SIK3: variants seen among roughly 807,000 people sequenced by gnomAD.
SIK3 encodes the protein SIK family kinase 3, also known as serine/threonine-protein kinase SIK3.
In SIK3, 28 loss-of-function variants were observed where a neutral mutation model predicts 144.2. That is an observed-to-expected ratio of 0.19 (90% confidence interval 0.14 to 0.27). SIK3 has a LOEUF of 0.27. SIK3 is among the 10% of genes least tolerant of loss of function. The pLI is 1.00. For synonymous variants in SIK3, 686 were observed against 676.3 expected, an observed-to-expected ratio of 1.01 and a Z score of -0.22; for missense variants, 1,319 against 1,776.0, an observed-to-expected ratio of 0.74 and a Z score of 4.62.
chr11:116,933,635 CCTCT>C (rs144913929), intron 3 of SIK3, among the ~76,000 whole-genome samples: 26 of 148,690 alleles, frequency 1.7e-4, no homozygotes, highest in African/African-American at 4.2e-4. Context: ...TTTCTTCCTT[CCTCT>C]CTCTCTCTCT....
At chr11:117,088,225 G>A (rs1426683235) in intron 1 of SIK3, among the ~76,000 whole-genome samples, 3 of 152,020 alleles carry the variant, frequency 2.0e-5, no homozygotes, top group South Asian at 2.1e-4. Flanking sequence ...GTGACAAAGC[G>A]AAACCCTATC....
At chr11:116,872,048 A>C (rs1271215088) in intron 13 of SIK3, among the ~76,000 whole-genome samples, 5 of 152,062 alleles carry the variant, frequency 3.3e-5, no homozygotes, top group African/African-American at 1.2e-4. Context: ...GGACATGGGA[A>C]TAGGGCCTAG....
intron 1 of SIK3, among the ~76,000 whole-genome samples, chr11:116,975,802 G>C (rs1399980354): frequency 6.6e-6 from 1 of 152,156 alleles, no homozygotes; most frequent in African/African-American, 2.4e-5. Flanking sequence ...AAATGACAAA[G>C]CTGCTGCATC....
intron 1 of SIK3, among the ~76,000 whole-genome samples, chr11:117,004,521 CA>C (rs1163161761): frequency 6.7e-6 from 1 of 149,512 alleles, no homozygotes; most frequent in East Asian, 2.0e-4. Flanking sequence ...GTCTCCAAAA[CA>C]AAAAAAAAGA....
At chr11:117,065,408 GA>G (rs1463587090) in intron 1 of SIK3, among the ~76,000 whole-genome samples, 1 of 151,762 alleles carries the variant, frequency 6.6e-6, no homozygotes, top group Admixed American at 6.6e-5. Flanking sequence ...GTTAATAAAA[GA>G]AATGAATTTT....
chr11:116,947,105 C>T (rs149393668), intron 3 of SIK3, among the ~76,000 whole-genome samples: 593 of 9,226 alleles, frequency 0.064, 11 homozygotes, highest in African/African-American at 0.18. Context: ...AGTGAGACTT[C>T]GTCTCAAAAA....
chr11:117,039,776 A>T (rs1952662589), intron 1 of SIK3, among the ~76,000 whole-genome samples: 1 of 152,208 alleles, frequency 6.6e-6, no homozygotes, highest in Admixed American at 6.5e-5. Flanking sequence ...GACACTAAAG[A>T]AGTAGTTACT....
At chr11:117,049,004 G>C (rs752618242) in intron 1 of SIK3, among the ~76,000 whole-genome samples, 2 of 152,162 alleles carry the variant, frequency 1.3e-5, no homozygotes, top group Non-Finnish European at 2.9e-5. Flanking sequence ...AGGAGGCTGA[G>C]GCAGGAGAAT....
At chr11:117,091,200 C>CT (rs386375011) in intron 1 of SIK3, among the ~76,000 whole-genome samples, 42,111 of 93,216 alleles carry the variant, frequency 0.45, 11,542 homozygotes, top group Non-Finnish European at 0.61. Context: ...TTTTTTTTTT[C>CT]TTTTTTTTTT....
Position 116,881,017 on chromosome 11 carries a change from G to A in SIK3, c.866-3975C>T, listed in dbSNP as rs189010258. Among the ~76,000 whole-genome samples the A allele has an allele frequency of 1.1e-4, 17 of 152,174 alleles. No individual in the cohort carries two copies. The East Asian group carries it at 1.9e-3, about 17-fold the overall frequency. ...TACACACCTGTAATCCCAGCTACCC[G>A]GGAGGCTGAGGTAGGAGAATGGCGT... On this transcript the variant is annotated intron_variant, in intron 6 of 24. Coordinates refer to ENST00000445177, the MANE Select transcript of SIK3 (RefSeq NM_001366686.3).
chr11:116,918,807 T>G (rs978978468), intron 4 of SIK3, among the ~76,000 whole-genome samples: 6 of 152,208 alleles, frequency 3.9e-5, no homozygotes, highest in African/African-American at 1.4e-4. Flanking sequence ...AGATATGACA[T>G]TAAGTAGAAT....
rs767861736 is a variant in SIK3, at chr11:116,846,601, T to G, written c.3953-48A>C. 8.7e-6 allele frequency: 14 copies of G among 1,608,830 alleles called. No individual in the cohort carries two copies. The South Asian group carries it at 1.4e-4, about 16-fold the overall frequency. On this transcript the variant is annotated intron_variant, in intron 23 of 24. Transcript: ENST00000445177. This position sits in a 1 kb window ranked among gnomAD's most constrained non-coding sequence, Gnocchi z 4.1. ...TGAGGTTGGCAGGGAACTGGGGGAC[T>G]AGGAGAGCAAGGGGGAGAGAGAGGA...
At chr11:116,910,317 G>T (rs1468226179) in intron 4 of SIK3, among the ~76,000 whole-genome samples, 1 of 149,584 alleles carries the variant, frequency 6.7e-6, no homozygotes, top group African/African-American at 2.5e-5. Context: ...AGCCAGAAAA[G>T]AAGAAAAAAA....
At chr11:116,878,891 T>C (rs1399072402) in intron 6 of SIK3, among the ~76,000 whole-genome samples, 1 of 152,222 alleles carries the variant, frequency 6.6e-6, no homozygotes, top group African/African-American at 2.4e-5. Context: ...AGCTCTTCTT[T>C]AACCATCTAC....
Position 116,975,694 on chromosome 11 carries a change from T to C in SIK3, c.274-18630A>G, listed in dbSNP as rs965484732. 3.3e-5 allele frequency among the ~76,000 whole-genome samples: 5 copies of C among 152,364 alleles called. No homozygotes were observed. In the East Asian group the frequency reaches 9.6e-4, roughly 29 times the overall value. On this transcript the variant is annotated intron_variant, in intron 1 of 24. Coordinates refer to ENST00000445177, the MANE Select transcript of SIK3 (RefSeq NM_001366686.3). ...CATTCATAAAATTTTTATGTGAATG[T>C]GTTTTCACTTATCTTGGGTTTATAC...
chr11:117,071,301 C>T (rs1954270185), intron 1 of SIK3, among the ~76,000 whole-genome samples: 1 of 151,876 alleles, frequency 6.6e-6, no homozygotes, highest in Admixed American at 6.6e-5. Context: ...TCAATAAATG[C>T]TAAATTGTAT....
At chr11:117,023,621 A>AAAATATATATATATATATATATATATAT (rs754624841) in intron 1 of SIK3, among the ~76,000 whole-genome samples, 1 of 95,410 alleles carries the variant, frequency 1.0e-5, no homozygotes, top group Non-Finnish European at 2.1e-5. Flanking sequence ...AAAAAAAAAA[A>AAAATATATATATATATATATATATATAT]ATATATATAT....
At chr11:116,860,286 T>G (rs1275064170) in intron 19 of SIK3, among the ~76,000 whole-genome samples, 1 of 151,316 alleles carries the variant, frequency 6.6e-6, no homozygotes, top group Non-Finnish European at 1.5e-5. Context: ...GAATACGACC[T>G]GAGATCTTAC....
At chr11:116,988,937 G>GA (rs1229266796) in intron 1 of SIK3, among the ~76,000 whole-genome samples, 15 of 151,038 alleles carry the variant, frequency 9.9e-5, no homozygotes, top group Admixed American at 5.3e-4. Context: ...AATACTGGAA[G>GA]AAAAAACAAA....
Sources: gnomAD v4.1 joint callset for allele counts (sites outside exome capture counted in the v4.1 genomes callset) on GRCh38, gnomAD v4.1.1 for gene constraint, Gnocchi (gnomAD v3.1) non-coding constraint, MANE v1.5 for transcripts, NCBI Gene and HGNC (gene_info 2026-07-23, HGNC 2026-07-21) for gene names.